Variants in RAB11FIP3 observed in about 807,000 individuals in gnomAD.
RAB11FIP3 encodes the protein RAB11 family interacting protein 3, also known as rab11 family-interacting protein 3.
In RAB11FIP3, 17 loss-of-function variants were observed where a neutral mutation model predicts 77.8. That is an observed-to-expected ratio of 0.22 (90% CI 0.15 to 0.33). RAB11FIP3 has a LOEUF of 0.33. RAB11FIP3 is among the 10% of genes least tolerant of loss of function. The pLI is 1.00. For synonymous variants in RAB11FIP3, 437 were observed against 448.2 expected, an observed-to-expected ratio of 0.98 and a Z score of 0.31; for missense variants, 1,005 against 1,011.2, an observed-to-expected ratio of 0.99 and a Z score of 0.08.
chr16:487,632 C>G (rs569372708), intron 4 of RAB11FIP3, among the ~76,000 whole-genome samples: 7 of 152,298 alleles, frequency 4.6e-5, no homozygotes, highest in African/African-American at 1.7e-4. Flanking sequence ...CCTTTCTTTC[C>G]TGGAGTGGAG....
chr16:465,504 A>G (rs2055686683), intron 2 of RAB11FIP3, among the ~76,000 whole-genome samples: 1 of 152,184 alleles, frequency 6.6e-6, no homozygotes, highest in African/African-American at 2.4e-5. Flanking sequence ...GGCAGGGTGC[A>G]GTGTGGCAGG....
rs752227833 is a variant in RAB11FIP3, at chr16:505,527, G to C, written c.1399G>C (p.Val467Leu). 2 of 1,608,074 alleles carry C rather than the reference G, an allele frequency of 1.2e-6. No homozygotes were observed. Among genetic ancestry groups the C allele is most frequent in the Non-Finnish European group, 1.7e-6 (2 of 1,178,996 alleles). Residue 467 changes from valine (V) to leucine (L), a missense_variant, in exon 8 of 14, where the codon GTC becomes CTC. By Grantham distance (32) the Val-to-Leu change is conservative (BLOSUM62 1). This residue lies in a region of RAB11FIP3 where 433 missense variants were observed against 436.1 expected (regional missense o/e 0.99). Coordinates refer to ENST00000262305, the MANE Select transcript of RAB11FIP3 (RefSeq NM_014700.4). The surrounding 1 kb of genome is among the most constrained non-coding windows in gnomAD (Gnocchi z 4.0). ...GPEEDIADKVVFLERRVLELE... is the reference protein window; with the variant it reads ...GPEEDIADKVLFLERRVLELE... ...GAAGCCTGGTCTCATTGCCAAGGTT[G>C]TCTTCCTGGAAAGGCGTGTGCTGGA...
chr16:515,147 G>A (rs546495439), intron 9 of RAB11FIP3, among the ~76,000 whole-genome samples: 1 of 152,342 alleles, frequency 6.6e-6, no homozygotes, highest in African/African-American at 2.4e-5. Context: ...GGAAGGCAGT[G>A]CTGCTGTGTG....
intron 6 of RAB11FIP3, among the ~76,000 whole-genome samples, chr16:500,134 T>C (rs556147020): frequency 6.6e-6 from 1 of 152,300 alleles, no homozygotes; most frequent in East Asian, 1.9e-4. Context: ...TCCAGTCAGC[T>C]GTGTGTGCAG....
At chr16:428,733 A>G (rs760954294) in intron 1 of RAB11FIP3, among the ~76,000 whole-genome samples, 14 of 152,124 alleles carry the variant, frequency 9.2e-5, no homozygotes, top group Non-Finnish European at 1.6e-4. Flanking sequence ...CTATTGTGAT[A>G]ATATCTTACT....
chr16:444,451 A>AT (rs1199365807), intron 1 of RAB11FIP3, among the ~76,000 whole-genome samples: 1 of 152,162 alleles, frequency 6.6e-6, no homozygotes, highest in Non-Finnish European at 1.5e-5. Context: ...AGAAATTATG[A>AT]TACTGATAGC....
At chr16:498,664 G>A (rs989323043) in intron 6 of RAB11FIP3, among the ~76,000 whole-genome samples, 2 of 151,868 alleles carry the variant, frequency 1.3e-5, no homozygotes, top group African/African-American at 4.8e-5. Flanking sequence ...GACCACAGGC[G>A]CATGCCACCA....
At position 472,197 on chromosome 16, in the gene RAB11FIP3, T is replaced by G. The variant is rs1025577660; in HGVS notation, c.903+808T>G. On this transcript the variant is annotated intron_variant, in intron 3 of 13. Coordinates refer to ENST00000262305, the MANE Select transcript of RAB11FIP3 (RefSeq NM_014700.4). This position sits in a 1 kb window ranked among gnomAD's most constrained non-coding sequence, Gnocchi z 4.1. The stretch of plus-strand genomic sequence containing the variant: ...GTTGCTTTTGGACGCCACTGTACCG[T>G]GGGAGCCATGGTATTATACTCAGTT... Among the ~76,000 whole-genome samples, 1 of 152,198 alleles carries G rather than the reference T, an allele frequency of 6.6e-6. No homozygotes were observed. Among genetic ancestry groups the G allele is most frequent in the Non-Finnish European group, 1.5e-5 (1 of 68,020 alleles).
chr16:448,552 C>A (rs148908594), intron 1 of RAB11FIP3, among the ~76,000 whole-genome samples: 1 of 151,644 alleles, frequency 6.6e-6, no homozygotes, highest in African/African-American at 2.4e-5. Flanking sequence ...CTGGCTAACA[C>A]GGTGAAACCC....
chr16:426,281 C>A lies in RAB11FIP3; in HGVS notation c.275C>A (p.Pro92Gln), dbSNP rs2141829817. 1.6e-6 allele frequency: 2 copies of A among 1,225,960 alleles called. No homozygotes were observed. The highest frequency in any genetic ancestry group is 2.0e-6 in the Non-Finnish European group (2 of 985,378). 75.9% of individuals were successfully genotyped at this position (1,225,960 alleles called of 1,614,324 possible). The change falls in exon 1 of 14, where the codon CCG (proline) becomes CAG (glutamine). Residue 92 changes from proline to glutamine, a missense_variant. Physicochemically the swap from Pro to Gln is moderately conservative, Grantham distance 76. This residue lies in a region of RAB11FIP3 where 466 missense variants were observed against 408.3 expected (regional missense o/e 1.14). Transcript: ENST00000262305. The surrounding 1 kb of genome is among the most constrained non-coding windows in gnomAD (Gnocchi z 5.0). ...GACCCCGGGCCGTCCGCCCCGCCGC[C>A]GCGCTCCGGCCCGCGGGGGCAGCTT... ...PRDPGPSAPP[P>Q]RSGPRGQLAS...
chr16:446,442 G>T (rs1418888936), intron 1 of RAB11FIP3, among the ~76,000 whole-genome samples: 2 of 152,158 alleles, frequency 1.3e-5, no homozygotes, highest in African/African-American at 4.8e-5. Context: ...CATAAAGAGT[G>T]CTCCTTGGCA....
At chr16:438,161 G>A (rs1197847178) in intron 1 of RAB11FIP3, among the ~76,000 whole-genome samples, 1 of 151,982 alleles carries the variant, frequency 6.6e-6, no homozygotes, top group African/African-American at 2.4e-5. Context: ...AGGCTGGAGT[G>A]TAGTGGTGTG....
In RAB11FIP3 at chr16:500,420, C is replaced by T. The variant is rs1970790; in HGVS notation, c.1302-2584C>T. Among the ~76,000 whole-genome samples the T allele has an allele frequency of 3.0e-3, 453 of 152,206 alleles. 7 individuals carry two copies. The highest frequency in any genetic ancestry group is 0.01 in the African/African-American group (428 of 41,542). On this transcript the variant is annotated intron_variant, in intron 6 of 13. Transcript: ENST00000262305. The stretch of plus-strand genomic sequence containing the variant: ...AGCCCCAGCCGGACGCGGTGGTTCA[C>T]GCCTGTACTCCCAGCACTTTGGGGG...
chr16:467,988 C>A (rs369262696), intron 2 of RAB11FIP3, among the ~76,000 whole-genome samples: 2 of 6,022 alleles, frequency 3.3e-4, no homozygotes, highest in Admixed American at 2.2e-3. Context: ...GTGCTGGGGC[C>A]TCAGGGAGGA....
chr16:516,581 C>T (rs1474960452), intron 9 of RAB11FIP3, among the ~76,000 whole-genome samples: 3 of 152,250 alleles, frequency 2.0e-5, no homozygotes, highest in Non-Finnish European at 4.4e-5. Context: ...TTATCATCAA[C>T]GAACAGAAAA....
intron 1 of RAB11FIP3, among the ~76,000 whole-genome samples, chr16:442,664 C>G (rs565860595): frequency 2.8e-4 from 43 of 152,206 alleles, no homozygotes; most frequent in Non-Finnish European, 3.5e-4. Context: ...CTGAGTCGTC[C>G]CAAAGCACAG....
At chr16:496,678 C>A in intron 5 of RAB11FIP3, 146 bp from the exon 6 acceptor site, 1 of 737,594 alleles carries the variant, frequency 1.4e-6, no homozygotes, top group Non-Finnish European at 2.3e-6. Context: ...AGCATTTGTG[C>A]ATGGACTTGC....
chr16:431,443 A>T (rs1187147668), intron 1 of RAB11FIP3, among the ~76,000 whole-genome samples: 1 of 150,726 alleles, frequency 6.6e-6, no homozygotes, highest in Non-Finnish European at 1.5e-5. Context: ...GCAGTGGCAC[A>T]ATCTCAGTTC....
intron 11 of RAB11FIP3, 36 bp from the exon 12 acceptor site, chr16:520,086 C>T: frequency 6.5e-7 from 1 of 1,540,206 alleles, no homozygotes; most frequent in Non-Finnish European, 8.7e-7. Context: ...CCCTGGGAGC[C>T]CAGGCCCCCC....
Sources: allele counts gnomAD v4.1 joint callset (sites outside exome capture counted in the v4.1 genomes callset), GRCh38; gene constraint gnomAD v4.1.1; regional missense constraint gnomAD v4.1.1; non-coding constraint Gnocchi (gnomAD v3.1); transcripts MANE v1.5; gene names NCBI Gene and HGNC (gene_info 2026-07-23, HGNC 2026-07-21).